ZNF180: variants seen among roughly 807,000 people sequenced by gnomAD.
ZNF180 encodes the protein zinc finger protein 180.
ZNF180 carries 11 observed loss-of-function variants against 11.8 expected under a neutral mutation model. The observed-to-expected ratio is 0.93, with a 90% CI of 0.59 to 1.55. ZNF180 has a LOEUF of 1.55. Ranked by LOEUF, ZNF180 falls within the 40% of genes most tolerant of loss-of-function variation. ZNF180 has a pLI of 0.00. For synonymous variants in ZNF180, 287 were observed against 257.7 expected (o/e 1.11, Z -1.09); for missense variants, 773 against 781.7 (o/e 0.99, Z 0.13).
chr19:44,486,227 T>A (rs1568429725), intron 2 of ZNF180, among the ~76,000 whole-genome samples: 2 of 152,202 alleles, frequency 1.3e-5, no homozygotes, highest in Non-Finnish European at 2.9e-5. Flanking sequence ...TGAATAGATT[T>A]CTATAAAATA....
rs754013734 is a variant in ZNF180 at position 44,479,332 on chromosome 19, G to C, written c.204C>G (p.Thr68=). The change falls in exon 4 of 5, where the codon ACC becomes ACG. Residue 68 remains threonine (T), a synonymous_variant. Coordinates refer to ENST00000592529, the MANE Select transcript of ZNF180 (RefSeq NM_001278509.3). ...EQGTCNPAQR[T]LDRDVILENH... ...TCTCCAGGATCACATCTCTGTCCAG[G>C]GTCCTCTGAGCAGGGTTGCAAGTAC... The C allele has an allele frequency of 7.4e-6, 12 of 1,613,902 alleles. No individual in the cohort carries two copies. The Admixed American group carries it at 2.0e-4, about 27-fold the overall frequency.
At chr19:44,479,449 T>C (rs923085716) in intron 3 of ZNF180, 40 bp from the exon 4 acceptor site, 3 of 1,609,824 alleles carry the variant, frequency 1.9e-6, no homozygotes, top group African/African-American at 2.7e-5. Flanking sequence ...TGGGCATCAT[T>C]TCCTTCCAAA....
chr19:44,496,598 A>G (rs1201473718), intron 2 of ZNF180: 1 of 148,212 alleles, frequency 6.7e-6, no homozygotes, highest in Non-Finnish European at 1.5e-5. Flanking sequence ...GCTTGAGCCC[A>G]GAAGTTTGAG....
intron 1 of ZNF180, among the ~76,000 whole-genome samples, chr19:44,499,849 A>G (rs2123521013): frequency 6.6e-6 from 1 of 152,268 alleles, no homozygotes; most frequent in Non-Finnish European, 1.5e-5. Flanking sequence ...TCCTACCCAA[A>G]TACCTGATCA....
chr19:44,500,448 C>T lies in ZNF180; in HGVS notation c.-217G>A. ...CTCCTAGTCAGCATCCGCAAGGCCG[C>T]TGGGGGTTAAGTCTGAAGGGCCGAG... On this transcript the variant is annotated 5_prime_UTR_variant, in exon 1 of 5. Transcript: ENST00000592529. The T allele has an allele frequency of 1.7e-6, 1 of 605,668 alleles. No individual in the cohort carries two copies. The highest frequency in any genetic ancestry group is 2.9e-6 in the Non-Finnish European group (1 of 343,160). The allele number at this position is 605,668 out of a possible 1,614,324, so 37.5% of individuals were successfully genotyped here. A position where few individuals can be genotyped will look rare whatever the true frequency, so the allele number is the denominator to read the frequency against.
rs141571465 is a variant in ZNF180, at chr19:44,500,289, GC to G, written c.-59del. On this transcript the variant is annotated 5_prime_UTR_variant, in exon 1 of 5. Coordinates refer to ENST00000592529, the MANE Select transcript of ZNF180 (RefSeq NM_001278509.3). ...CCCCTACCAACCTGGGCGTCCGCTGGCCCGCAGCCCAGGCTGGGCCTGTCAC... is the reference window on the plus strand; with the variant it reads ...CCCCTACCAACCTGGGCGTCCGCTGGCCGCAGCCCAGGCTGGGCCTGTCAC... The G allele has an allele frequency of 2.8e-3, 4,526 of 1,610,862 alleles. 131 individuals are homozygous for G. The African/African-American group carries it at 0.054, about 19-fold the overall frequency.
At chr19:44,488,582 C>G (rs1970313353) in intron 2 of ZNF180, among the ~76,000 whole-genome samples, 1 of 152,092 alleles carries the variant, frequency 6.6e-6, no homozygotes, top group African/African-American at 2.4e-5. Context: ...GGTGCCCAGG[C>G]TGGAGTGCAG....
In ZNF180 at chr19:44,497,295, C is replaced by A. The variant is rs545494505; in HGVS notation, c.40G>T (p.Val14Phe). Residue 14 changes from valine to phenylalanine, a missense_variant, in exon 2 of 5, where the codon GTC becomes TTC. Val to Phe is a conservative substitution (Grantham distance 50). Transcript: ENST00000592529. Reference sequence around the variant, plus strand: ...GGGTCTCCACTCACCTGTGCACAGACCTTCGGGGGCTCTGGGGGCTTCTCA... The same window carrying A: ...GGGTCTCCACTCACCTGTGCACAGAACTTCGGGGGCTCTGGGGGCTTCTCA... Reference protein sequence around the residue: ...QDEKPPEPPKVCAQDSFLPQE... With the variant: ...QDEKPPEPPKFCAQDSFLPQE... 8 of 1,593,046 alleles carry A rather than the reference C, an allele frequency of 5.0e-6. No homozygotes were observed. Among genetic ancestry groups the A allele is most frequent in the East Asian group, 4.7e-5 (2 of 42,834 alleles).
rs73036500 is a variant in ZNF180 at position 44,477,615 on chromosome 19, T to C, written c.785A>G (p.His262Arg). The change falls in exon 5 of 5, where the codon CAT (histidine) becomes CGT (arginine). Residue 262 changes from histidine (H) to arginine (R), a missense_variant. Physicochemically the swap from His to Arg is conservative, Grantham distance 29. Coordinates refer to ENST00000592529, the MANE Select transcript of ZNF180 (RefSeq NM_001278509.3). ...IQSFCHGTPL[H>R]IHEKIHGGGK... ...TCCTCCATGAATTTTTTCATGTATA[T>C]GTAGGGGTGTACCATGGCAAAAAGA... is the stretch of plus-strand genomic sequence containing the variant. The C allele has an allele frequency of 0.014, 22,408 of 1,614,080 alleles. 229 individuals are homozygous for C. The highest frequency in any genetic ancestry group is 0.048 in the African/African-American group (3,625 of 75,022).
rs1208075981 is a variant in ZNF180 at position 44,479,270 on chromosome 19, A to C, written c.253+13T>G. 3 of 1,609,870 alleles carry C rather than the reference A, an allele frequency of 1.9e-6. No individual in the cohort carries two copies. Among genetic ancestry groups the C allele is most frequent in the Non-Finnish European group, 2.5e-6 (3 of 1,178,698 alleles). On this transcript the variant is annotated intron_variant, in intron 4 of 4. Coordinates refer to ENST00000592529, the MANE Select transcript of ZNF180 (RefSeq NM_001278509.3). ...AGTAGATGGATCTTCATTAAAGAGG[A>C]GTGTATTCTTACCCCAAGAGACTAG...
In ZNF180 at chr19:44,484,800, A is replaced by C. The variant is rs1192911898; in HGVS notation, c.52-365T>G. 5 of 241,776 alleles carry C rather than the reference A, an allele frequency of 2.1e-5. No homozygotes were observed. The East Asian group carries it at 4.7e-4, about 23-fold the overall frequency. The allele number at this position is 241,776 out of a possible 1,614,324, so 15.0% of individuals were successfully genotyped here. A position where few individuals can be genotyped will look rare whatever the true frequency, so the allele number is the denominator to read the frequency against. ...TCCTGGGTCACAAAATTATAAGCAA[A>C]TAAAATGGAATACAGCATAACCAAT... On this transcript the variant is annotated intron_variant, in intron 2 of 4. Transcript: ENST00000592529.
chr19:44,499,033 C>G (rs1970664095), intron 1 of ZNF180, among the ~76,000 whole-genome samples: 1 of 152,198 alleles, frequency 6.6e-6, no homozygotes, highest in Admixed American at 6.5e-5. Context: ...TCTCAACCTG[C>G]CTGGGACATC....
chr19:44,485,928 C>A (rs922968787), intron 2 of ZNF180, among the ~76,000 whole-genome samples: 3 of 151,984 alleles, frequency 2.0e-5, no homozygotes, highest in African/African-American at 7.3e-5. Flanking sequence ...ATGTAACATC[C>A]ATTAAGTCTA....
rs181809379 is a variant in ZNF180, at chr19:44,483,069, C to T, written c.126+1292G>A. 1.5e-3 allele frequency among the ~76,000 whole-genome samples: 230 copies of T among 152,344 alleles called. 1 individual carries two copies. The highest frequency in any genetic ancestry group is 5.2e-3 in the African/African-American group (216 of 41,582). Reference sequence around the variant, plus strand: ...TGAATCACAAATACAAAACTGCCCACGTTTCACTACAATGTCAGATTGCTC... The same window carrying T: ...TGAATCACAAATACAAAACTGCCCATGTTTCACTACAATGTCAGATTGCTC... On this transcript the variant is annotated intron_variant, in intron 3 of 4. Coordinates refer to ENST00000592529, the MANE Select transcript of ZNF180 (RefSeq NM_001278509.3).
intron 1 of ZNF180, among the ~76,000 whole-genome samples, chr19:44,499,659 C>A (rs557800089): frequency 2.4e-3 from 360 of 152,268 alleles, no homozygotes; most frequent in African/African-American, 7.8e-3. Flanking sequence ...TGGGAGTTTG[C>A]TGCCCATGGG....
At chr19:44,483,289 C>G (rs777547208) in intron 3 of ZNF180, among the ~76,000 whole-genome samples, 1 of 152,154 alleles carries the variant, frequency 6.6e-6, no homozygotes, top group South Asian at 2.1e-4. Flanking sequence ...TTCTACTTGA[C>G]GTATTTTTAA....
Position 44,479,356 on chromosome 19 carries a change from AC to A in ZNF180, c.179del (p.Gly60ValfsTer14), listed in dbSNP as rs1970017880. On this transcript the variant is annotated frameshift_variant, in exon 4 of 5. Coordinates refer to ENST00000592529, the MANE Select transcript of ZNF180 (RefSeq NM_001278509.3). LOFTEE classifies it high-confidence loss of function. The stretch of plus-strand genomic sequence containing the variant: ...GGGTCCTCTGAGCAGGGTTGCAAGT[AC>A]CCTGTTCCTCCCGTGTGAAGTCCAC... ...VTVDFTREEQ[G>X]TCNPAQRTLD... The A allele has an allele frequency of 6.2e-7, 1 of 1,613,928 alleles. No individual in the cohort carries two copies.
rs559431698 is a variant in ZNF180 at position 44,485,270 on chromosome 19, A to G, written c.52-835T>C. 3 of 152,310 alleles carry G rather than the reference A, an allele frequency of 2.0e-5. No individual in the cohort carries two copies. The East Asian group carries it at 5.8e-4, about 29-fold the overall frequency. The allele number at this position is 152,310 out of a possible 1,614,324, so 9.4% of individuals were successfully genotyped here. ...CAGTAAAAGGTAGCCTCAACTGACAAAGAAAAATGCACATGCAACTATGAA... is the reference window on the plus strand; with the variant it reads ...CAGTAAAAGGTAGCCTCAACTGACAGAGAAAAATGCACATGCAACTATGAA... On this transcript the variant is annotated intron_variant, in intron 2 of 4. Transcript: ENST00000592529.
chr19:44,474,489 T>C lies in ZNF180; in HGVS notation c.*1913A>G, dbSNP rs910803863. Reference sequence around the variant, plus strand: ...TCTAGGTCTCATCATAGCTCATATATAACACTCAAAACATCATTAAACCAT... The same window carrying C: ...TCTAGGTCTCATCATAGCTCATATACAACACTCAAAACATCATTAAACCAT... On this transcript the variant is annotated 3_prime_UTR_variant, in exon 5 of 5. Coordinates refer to ENST00000592529, the MANE Select transcript of ZNF180 (RefSeq NM_001278509.3). 6.6e-6 allele frequency: 1 copy of C among 152,210 alleles called. No homozygotes were observed. The highest frequency in any genetic ancestry group is 2.4e-5 in the African/African-American group (1 of 41,442). 9.4% of individuals were successfully genotyped at this position (152,210 alleles called of 1,614,324 possible).
Sources: gnomAD v4.1 joint callset for allele counts (sites outside exome capture counted in the v4.1 genomes callset) on GRCh38, gnomAD v4.1.1 for gene constraint, MANE v1.5 for transcripts, NCBI Gene and HGNC (gene_info 2026-07-23, HGNC 2026-07-21) for gene names.